RBFOX1: variants seen among roughly 807,000 people sequenced by gnomAD.
RBFOX1 encodes the protein RNA binding fox-1 homolog 1, also known as RNA binding protein fox-1 homolog 1.
A neutral mutation model predicts 57.7 loss-of-function variants in RBFOX1; 8 were observed. The observed-to-expected ratio is 0.14, with a 90% CI of 0.08 to 0.25. The LOEUF is 0.25. RBFOX1 is among the 10% of genes least tolerant of loss of function. The pLI is 1.00. For synonymous variants in RBFOX1, 326 were observed against 222.4 expected (o/e 1.47, Z -4.15); for missense variants, 611 against 548.5 (o/e 1.11, Z -1.14).
At chr16:6,209,436 C>T (rs920052814) in intron 1 of RBFOX1, among the ~76,000 whole-genome samples, 1 of 152,178 alleles carries the variant, frequency 6.6e-6, no homozygotes, top group African/African-American at 2.4e-5. Context: ...GTTAATCCGT[C>T]TATTTCCTTA....
At chr16:7,183,325 A>G (rs1488764427) in intron 4 of RBFOX1, among the ~76,000 whole-genome samples, 2 of 152,140 alleles carry the variant, frequency 1.3e-5, no homozygotes, top group African/African-American at 4.8e-5. Flanking sequence ...TAGTGAGGGT[A>G]GGGGTTGATC....
At chr16:6,466,876 C>G (rs898440915) in intron 2 of RBFOX1, among the ~76,000 whole-genome samples, 1 of 151,910 alleles carries the variant, frequency 6.6e-6, no homozygotes. Flanking sequence ...CCTAAGAGTC[C>G]TTATGTGAGA....
At chr16:7,138,119 T>C (rs988098802) in intron 4 of RBFOX1, among the ~76,000 whole-genome samples, 1 of 152,152 alleles carries the variant, frequency 6.6e-6, no homozygotes, top group Non-Finnish European at 1.5e-5. Flanking sequence ...AGCCAAATCA[T>C]ACAGAAAGCG....
intron 3 of RBFOX1, among the ~76,000 whole-genome samples, chr16:7,010,947 C>T (rs1035651320): frequency 6.6e-6 from 1 of 152,178 alleles, no homozygotes; most frequent in Non-Finnish European, 1.5e-5. Flanking sequence ...CTTAGCAGGG[C>T]CTTGGGCAAG....
intron 4 of RBFOX1, among the ~76,000 whole-genome samples, chr16:7,230,396 C>T (rs1262758101): frequency 1.3e-5 from 2 of 152,128 alleles, no homozygotes; most frequent in African/African-American, 2.4e-5. Flanking sequence ...AACATATCAG[C>T]TTCCATAGTT....
Position 6,533,782 on chromosome 16 carries a change from G to A in RBFOX1, c.-63-120821G>A, listed in dbSNP as rs563686050. Among the ~76,000 whole-genome samples, 39 of 152,234 alleles carry A rather than the reference G, an allele frequency of 2.6e-4. No homozygotes were observed. The South Asian group carries it at 7.7e-3, about 30-fold the overall frequency. ...AGCAAACACTCGAAAGCCCCTGGAAGGGAACATAAACATCTGCCTTTGAAA... is the reference window on the plus strand; with the variant it reads ...AGCAAACACTCGAAAGCCCCTGGAAAGGAACATAAACATCTGCCTTTGAAA... On this transcript the variant is annotated intron_variant, in intron 2 of 15. Coordinates refer to ENST00000550418, the MANE Select transcript of RBFOX1 (RefSeq NM_018723.4).
In RBFOX1 at chr16:7,176,533, A is replaced by G. The variant is rs74009300; in HGVS notation, c.27+124435A>G. Reference sequence around the variant, plus strand: ...TCCTCTTGTTTTTGTAAATACAGTTATAGTGGAACACAGCCACACCCCTTC... The same window carrying G: ...TCCTCTTGTTTTTGTAAATACAGTTGTAGTGGAACACAGCCACACCCCTTC... On this transcript the variant is annotated intron_variant, in intron 4 of 15. Coordinates refer to ENST00000550418, the MANE Select transcript of RBFOX1 (RefSeq NM_018723.4). 3.3e-5 allele frequency among the ~76,000 whole-genome samples: 5 copies of G among 152,248 alleles called. No homozygotes were observed. In the South Asian group the frequency reaches 8.3e-4, roughly 25 times the overall value.
At chr16:6,885,399 G>C (rs2063786231) in intron 3 of RBFOX1, among the ~76,000 whole-genome samples, 1 of 152,144 alleles carries the variant, frequency 6.6e-6, no homozygotes, top group Non-Finnish European at 1.5e-5. Flanking sequence ...TCAAAACCAA[G>C]AATTTACAAA....
At chr16:5,864,864 C>T (rs2057310650) in intron 3 of RBFOX1, among the ~76,000 whole-genome samples, 2 of 152,354 alleles carry the variant, frequency 1.3e-5, no homozygotes, top group South Asian at 4.1e-4. Context: ...CCACTCCCTA[C>T]TGTCTCTCCC....
chr16:6,466,154 G>A (rs1166852885), intron 2 of RBFOX1, among the ~76,000 whole-genome samples: 10 of 151,412 alleles, frequency 6.6e-5, no homozygotes, highest in Admixed American at 3.3e-4. Flanking sequence ...GCTTGAACCC[G>A]GGAGGCAGAG....
chr16:6,939,383 A>ATGTGTG lies in RBFOX1; in HGVS notation c.-15-112660_-15-112655dup, dbSNP rs139095238. ...GTTTTAGGTAGCTTTATATATGTGT[A>ATGTGTG]TGTGTGTGTGTGTGTGTGTATATAT... is the stretch of plus-strand genomic sequence containing the variant. On this transcript the variant is annotated intron_variant, in intron 3 of 15. Transcript: ENST00000550418. Among the ~76,000 whole-genome samples the ATGTGTG allele has an allele frequency of 5.8e-4, 87 of 149,472 alleles. 1 individual carries two copies. The highest frequency in any genetic ancestry group is 1.9e-3 in the African/African-American group (77 of 40,822).
chr16:5,516,768 T>G (rs28527319), intron 2 of RBFOX1, among the ~76,000 whole-genome samples: 8 of 151,900 alleles, frequency 5.3e-5, no homozygotes, highest in African/African-American at 1.9e-4. Context: ...ATAAGATCTG[T>G]TGGTTTTATA....
intron 4 of RBFOX1, among the ~76,000 whole-genome samples, chr16:5,895,075 C>T (rs765287476): frequency 4.0e-5 from 6 of 150,078 alleles, no homozygotes; most frequent in Non-Finnish European, 7.4e-5. Flanking sequence ...AAGTACTGAA[C>T]TCTGAGAGAG....
chr16:6,416,974 C>T (rs1430838635), intron 2 of RBFOX1, among the ~76,000 whole-genome samples: 1 of 152,084 alleles, frequency 6.6e-6, no homozygotes, highest in Non-Finnish European at 1.5e-5. Flanking sequence ...CTTATGGGAT[C>T]ATTCCTTACC....
chr16:7,098,021 C>G (rs190616564), intron 4 of RBFOX1, among the ~76,000 whole-genome samples: 8 of 152,170 alleles, frequency 5.3e-5, no homozygotes, highest in African/African-American at 1.9e-4. Flanking sequence ...CTTAAATGAG[C>G]TCAGTGATGG....
intron 5 of RBFOX1, among the ~76,000 whole-genome samples, chr16:7,526,825 T>A (rs2078814682): frequency 6.6e-6 from 1 of 152,064 alleles, no homozygotes; most frequent in African/African-American, 2.4e-5. Flanking sequence ...CTAAGGCAAA[T>A]CACTTACTGA....
chr16:7,159,207 A>T (rs9937467), intron 4 of RBFOX1, among the ~76,000 whole-genome samples: 11 of 151,994 alleles, frequency 7.2e-5, no homozygotes, highest in Admixed American at 6.6e-4. Flanking sequence ...TGATTGTCTT[A>T]GATTGCTGAG....
chr16:6,144,825 A>G (rs1050373750), intron 1 of RBFOX1, among the ~76,000 whole-genome samples: 5 of 152,186 alleles, frequency 3.3e-5, no homozygotes, highest in African/African-American at 1.2e-4. Flanking sequence ...TTGACTTCAC[A>G]TATTTATTGG....
At chr16:5,576,421 TA>T (rs1179879578) in intron 2 of RBFOX1, among the ~76,000 whole-genome samples, 1 of 152,190 alleles carries the variant, frequency 6.6e-6, no homozygotes, top group Non-Finnish European at 1.5e-5. Context: ...AAGCGTGGTT[TA>T]AAAAAATCAA....
Sources: allele counts gnomAD v4.1 joint callset (sites outside exome capture counted in the v4.1 genomes callset), GRCh38; gene constraint gnomAD v4.1.1; transcripts MANE v1.5; gene names NCBI Gene and HGNC (gene_info 2026-07-23, HGNC 2026-07-21).